The following CASD1 variants were observed in gnomAD, a reference collection of about 807,000 sequenced individuals.
CASD1 encodes N-acetylneuraminate (7)9-O-acetyltransferase.
CASD1 carries 41 observed loss-of-function variants against 100.0 expected under a neutral mutation model. The ratio of observed to expected loss-of-function variants is 0.41; its 90% confidence interval spans 0.32 to 0.53. The LOEUF is 0.53. CASD1 is among the 20% of genes least tolerant of loss of function. The probability of loss-of-function intolerance (pLI) is 0.25; values close to 1 mark genes in which losing one functional copy is unlikely to be tolerated. For missense variants in CASD1, 774 were observed against 948.7 expected, an observed-to-expected ratio of 0.82 and a Z score of 2.42; for synonymous variants, 321 against 315.6, an observed-to-expected ratio of 1.02 and a Z score of -0.18.
At chr7:94,629,779 A>G in the CASD1 span, 1 of 1,611,316 alleles carries the variant, frequency 6.2e-7, no homozygotes, top group Non-Finnish European at 8.5e-7. Context: ...ACATGAACAA[A>G]GAGGACACCT....
intron 1 of CASD1, among the ~76,000 whole-genome samples, chr7:94,512,557 C>T (rs912796594): frequency 2.6e-5 from 4 of 152,170 alleles, no homozygotes; most frequent in Non-Finnish European, 2.9e-5. Context: ...GAAAGTAAAG[C>T]TTGGCGAATA....
intron 3 of CASD1, among the ~76,000 whole-genome samples, chr7:94,520,393 CAA>C (rs1360050703): frequency 1.3e-5 from 2 of 152,080 alleles, no homozygotes; most frequent in Non-Finnish European, 2.9e-5. Context: ...TGTATTGAGT[CAA>C]ATTTTTTTAA....
chr7:94,569,989 A>G, the CASD1 span, among the ~76,000 whole-genome samples: 2 of 151,078 alleles, frequency 1.3e-5, no homozygotes, highest in Admixed American at 6.6e-5. Flanking sequence ...AATTTTTTGT[A>G]TTTTTAGTAG....
At chr7:94,522,556 A>G (rs1215947493) in intron 3 of CASD1, among the ~76,000 whole-genome samples, 1 of 152,256 alleles carries the variant, frequency 6.6e-6, no homozygotes, top group Non-Finnish European at 1.5e-5. Flanking sequence ...GAGCATTAAC[A>G]TGCTTGATTC....
chr7:94,509,843 C>A lies in CASD1; in HGVS notation c.-242C>A, dbSNP rs1334211803. ...GTCCAGGGCGCCTGGGGAACCGGCA[C>A]GGCGGAGCAGCGGCGGCGGGGCTGG... On this transcript the variant is annotated 5_prime_UTR_variant, in exon 1 of 18. Coordinates refer to ENST00000297273, the MANE Select transcript of CASD1 (RefSeq NM_022900.5). 1 of 991,692 alleles carries A rather than the reference C, an allele frequency of 1.0e-6. No homozygotes were observed. The highest frequency in any genetic ancestry group is 6.2e-5 in the Admixed American group (1 of 16,246). The allele number at this position is 991,692 out of a possible 1,614,324, so 61.4% of individuals were successfully genotyped here.
intron 3 of CASD1, among the ~76,000 whole-genome samples, chr7:94,522,164 A>G (rs1794314500): frequency 6.6e-6 from 1 of 152,224 alleles, no homozygotes; most frequent in Non-Finnish European, 1.5e-5. Flanking sequence ...CTAAACACAG[A>G]TTTTCAGATT....
At chr7:94,559,962 T>C (rs1796314687), downstream of CASD1, among the ~76,000 whole-genome samples, 1 of 152,242 alleles carries the variant, frequency 6.6e-6, no homozygotes, top group Non-Finnish European at 1.5e-5. Context: ...AAGCTTATAC[T>C]ATCATTCAGT....
In CASD1 at chr7:94,527,159, C is replaced by T; in HGVS notation, c.352-3C>T. ...AATATTTCTCTGTCTCCTTTTATGG[C>T]AGCATGAAAACATTCCTTTTGAAGA... On this transcript the variant is annotated splice_polypyrimidine_tract_variant and splice_region_variant and intron_variant, in intron 3 of 17. Coordinates refer to ENST00000297273, the MANE Select transcript of CASD1 (RefSeq NM_022900.5). 6.2e-7 allele frequency: 1 copy of T among 1,606,066 alleles called. No individual in the cohort carries two copies. The highest frequency in any genetic ancestry group is 8.5e-7 in the Non-Finnish European group (1 of 1,173,594).
At chr7:94,578,446 A>G in the CASD1 span, among the ~76,000 whole-genome samples, 7 of 152,124 alleles carry the variant, frequency 4.6e-5, no homozygotes, top group Admixed American at 1.3e-4. Context: ...ACCTAGCCCA[A>G]CTGCCTGTAG....
At chr7:94,541,537 G>GTTTTTTTTTTTTTTTTTTTTT (rs56786123) in intron 10 of CASD1, among the ~76,000 whole-genome samples, 2 of 60,084 alleles carry the variant, frequency 3.3e-5, no homozygotes, top group African/African-American at 6.7e-5. Context: ...TGTTCCACTG[G>GTTTTTTTTTTTTTTTTTTTTT]TTTTTTTTTT....
At chr7:94,601,471 A>T in the CASD1 span, among the ~76,000 whole-genome samples, 3 of 148,588 alleles carry the variant, frequency 2.0e-5, no homozygotes, top group African/African-American at 7.5e-5. Context: ...AAAAAAAAAA[A>T]AAAAACTACA....
the CASD1 span, among the ~76,000 whole-genome samples, chr7:94,602,372 A>G: frequency 6.6e-6 from 1 of 152,170 alleles, no homozygotes; most frequent in African/African-American, 2.4e-5. Flanking sequence ...AAGGAGTGCT[A>G]AGTGTTGCAA....
At chr7:94,532,406 T>A (rs1490432613) in intron 5 of CASD1, among the ~76,000 whole-genome samples, 1 of 152,114 alleles carries the variant, frequency 6.6e-6, no homozygotes, top group Non-Finnish European at 1.5e-5. Context: ...ACAGTTGGTC[T>A]GATAACTGAG....
intron 12 of CASD1, among the ~76,000 whole-genome samples, chr7:94,545,941 A>G (rs1795655730): frequency 1.3e-5 from 2 of 151,964 alleles, no homozygotes; most frequent in Non-Finnish European, 2.9e-5. Flanking sequence ...TCTTTTTTAA[A>G]TTTAAATTCT....
the CASD1 span, among the ~76,000 whole-genome samples, chr7:94,602,960 A>G: frequency 1.3e-5 from 2 of 152,188 alleles, no homozygotes; most frequent in African/African-American, 4.8e-5. Context: ...CAGAATATTT[A>G]AGAAGAATCT....
intron 5 of CASD1, among the ~76,000 whole-genome samples, chr7:94,531,746 T>G (rs1794863302): frequency 6.6e-6 from 1 of 152,182 alleles, no homozygotes; most frequent in African/African-American, 2.4e-5. Flanking sequence ...TTTACATTGG[T>G]CAATTTTTTG....
chr7:94,545,769 C>A, intron 12 of CASD1, 68 bp downstream of exon 12: 2 of 953,420 alleles, frequency 2.1e-6, no homozygotes, highest in Non-Finnish European at 1.5e-6. Context: ...TTTGTAGTTG[C>A]TAAATGATAT....
At chr7:94,550,977 A>T (rs1205812660) in intron 14 of CASD1, among the ~76,000 whole-genome samples, 2 of 152,116 alleles carry the variant, frequency 1.3e-5, no homozygotes. Context: ...GAAAGGACTG[A>T]TATAAAATGT....
At chr7:94,520,671 T>C (rs1342181350) in intron 3 of CASD1, among the ~76,000 whole-genome samples, 1 of 152,170 alleles carries the variant, frequency 6.6e-6, no homozygotes, top group African/African-American at 2.4e-5. Flanking sequence ...AAAATACTGT[T>C]GATGGACTGG....
Sources: gnomAD v4.1 joint callset for allele counts (sites outside exome capture counted in the v4.1 genomes callset) on GRCh38, gnomAD v4.1.1 for gene constraint, MANE v1.5 for transcripts, NCBI Gene and HGNC (gene_info 2026-07-23, HGNC 2026-07-21) for gene names.